DMD: variants seen among roughly 807,000 people sequenced by gnomAD.
DMD encodes dystrophin, also known as mutant dystrophin.
A neutral mutation model predicts 330.1 loss-of-function variants in DMD; 63 were observed. That is an observed-to-expected ratio of 0.19 (90% CI 0.16 to 0.24). The LOEUF (loss-of-function observed/expected upper bound fraction) is 0.24, where lower values mean the gene tolerates loss of function less well. Among genes scored for constraint, DMD ranks in the 10% least tolerant of loss-of-function variants. DMD has a pLI of 1.00. For missense variants in DMD, 3,344 were observed against 2,684.1 expected (o/e 1.25, Z -5.43); for synonymous variants, 1,223 against 959.8 (o/e 1.27, Z -5.07).
At chrX:31,644,463 C>T (rs1444857312) in intron 54 of DMD, among the ~76,000 whole-genome samples, 2 of 111,661 alleles carry the variant, frequency 1.8e-5, no homozygotes, top group Admixed American at 1.9e-4. Context: ...GCCTCAGTAT[C>T]CTTTTCTCTG....
intron 1 of DMD, among the ~76,000 whole-genome samples, chrX:33,055,144 T>C (rs1446070654): frequency 2.7e-5 from 3 of 111,628 alleles, no homozygotes; most frequent in South Asian, 3.8e-4. Context: ...AAGAAAATGA[T>C]AAAGTTGCCC....
intron 1 of DMD, among the ~76,000 whole-genome samples, chrX:33,230,968 A>AAAT (rs2052378976): frequency 9.2e-6 from 1 of 108,115 alleles, no homozygotes; most frequent in African/African-American, 3.6e-5. Context: ...AAAAAAAAAA[A>AAAT]AAAATAAATA....
At chrX:31,914,007 C>G (rs1234982115) in intron 47 of DMD, among the ~76,000 whole-genome samples, 1 of 112,368 alleles carries the variant, frequency 8.9e-6, no homozygotes, top group Non-Finnish European at 1.9e-5. Context: ...TGCATCACCA[C>G]AATTTGAACT....
At chrX:31,867,428 T>C (rs1183680908) in intron 48 of DMD, among the ~76,000 whole-genome samples, 2 of 111,236 alleles carry the variant, frequency 1.8e-5, no homozygotes, top group Admixed American at 9.6e-5. Flanking sequence ...CATTCTTTCA[T>C]AGTGAGCAAT....
chrX:33,026,906 C>CTT, intron 1 of DMD, among the ~76,000 whole-genome samples: 1 of 112,105 alleles, frequency 8.9e-6, no homozygotes, highest in South Asian at 3.7e-4. Context: ...AATCCCAGCA[C>CTT]TTAGCATAGA....
chrX:32,513,948 G>A (rs781064840), intron 18 of DMD, among the ~76,000 whole-genome samples: 85 of 111,931 alleles, frequency 7.6e-4, no homozygotes, highest in Non-Finnish European at 1.9e-4. Context: ...AGAATTTCAT[G>A]AGGGAAAAGA....
intron 1 of DMD, among the ~76,000 whole-genome samples, chrX:33,140,108 A>T (rs181569168): frequency 4.0e-4 from 45 of 111,697 alleles, no homozygotes; most frequent in African/African-American, 1.3e-3. Flanking sequence ...TCATGGACAC[A>T]TTCTTTAGTC....
chrX:31,369,236 G>A (rs2059418608), intron 60 of DMD, among the ~76,000 whole-genome samples: 1 of 112,335 alleles, frequency 8.9e-6, no homozygotes, highest in Admixed American at 9.4e-5. Context: ...TCTGCCTTAG[G>A]GCAGGAGAAA....
chrX:31,647,665 A>G (rs1369939520), intron 54 of DMD, among the ~76,000 whole-genome samples: 1 of 112,174 alleles, frequency 8.9e-6, no homozygotes, highest in Non-Finnish European at 1.9e-5. Flanking sequence ...GAAAAAGGCA[A>G]TCCATCAGTA....
rs147927593 is a variant in DMD, at chrX:32,310,215, T to A, written c.5984A>T (p.Tyr1995Phe). ...MTEDMPLEISYVPSTYLTEIT... is the reference protein window; with the variant it reads ...MTEDMPLEISFVPSTYLTEIT... ...TTCAGTCAAATAAGTAGAAGGCACATAAGAAATTTCCAAAGGCATGTCTTC... is the reference window on the plus strand; with the variant it reads ...TTCAGTCAAATAAGTAGAAGGCACAAAAGAAATTTCCAAAGGCATGTCTTC... Residue 1995 changes from tyrosine to phenylalanine, a missense_variant, in exon 42 of 79, where the codon TAT (tyrosine) becomes TTT (phenylalanine). Transcript: ENST00000357033. 221 of 1,207,753 alleles carry A rather than the reference T, an allele frequency of 1.8e-4. 2 individuals are homozygous for A. In the African/African-American group the frequency reaches 3.4e-3, roughly 19 times the overall value.
intron 20 of DMD, among the ~76,000 whole-genome samples, chrX:32,490,852 T>C (rs1029449327): frequency 8.9e-6 from 1 of 112,268 alleles, no homozygotes; most frequent in South Asian, 3.7e-4. Flanking sequence ...TTAAATATTT[T>C]CCTTATGTAT....
At chrX:31,818,467 T>C (rs1203527107) in intron 50 of DMD, among the ~76,000 whole-genome samples, 1 of 111,321 alleles carries the variant, frequency 9.0e-6, no homozygotes, top group Non-Finnish European at 1.9e-5. Context: ...GGAGCCTTCC[T>C]ACCATGTGTA....
intron 51 of DMD, among the ~76,000 whole-genome samples, chrX:31,762,890 T>C (rs1160623584): frequency 8.9e-6 from 1 of 112,612 alleles, no homozygotes; most frequent in African/African-American, 3.2e-5. Flanking sequence ...CTCAGGAGAC[T>C]TTCATTCATC....
intron 55 of DMD, among the ~76,000 whole-genome samples, chrX:31,526,548 T>C (rs1199327662): frequency 8.9e-6 from 1 of 112,021 alleles, no homozygotes; most frequent in African/African-American, 3.2e-5. Context: ...CTTTGGGTTA[T>C]ATGATTTGGG....
intron 41 of DMD, among the ~76,000 whole-genome samples, chrX:32,331,443 A>C (rs2097679230): frequency 8.9e-6 from 1 of 111,949 alleles, no homozygotes; most frequent in Non-Finnish European, 1.9e-5. Flanking sequence ...ACATATCAAT[A>C]ATTCATCACT....
intron 2 of DMD, among the ~76,000 whole-genome samples, chrX:32,903,144 CAAAA>C (rs34973696): frequency 2.1e-4 from 7 of 32,990 alleles, no homozygotes; most frequent in Admixed American, 1.1e-3. Flanking sequence ...GACTCAGTCT[CAAAA>C]AAAAAAAAAA....
At chrX:32,227,298 T>TATAC (rs2097152005) in intron 43 of DMD, among the ~76,000 whole-genome samples, 1 of 79,610 alleles carries the variant, frequency 1.3e-5, no homozygotes, top group Non-Finnish European at 2.4e-5. Context: ...TATATATATA[T>TATAC]ATATATATAT....
At chrX:31,901,342 TAC>T (rs2094419504) in intron 47 of DMD, among the ~76,000 whole-genome samples, 1 of 112,003 alleles carries the variant, frequency 8.9e-6, no homozygotes, top group Non-Finnish European at 1.9e-5. Context: ...ATATTTTGTT[TAC>T]AGTCTCTCCA....
chrX:31,891,742 C>T (rs2094254791), intron 47 of DMD, among the ~76,000 whole-genome samples: 1 of 110,800 alleles, frequency 9.0e-6, no homozygotes, highest in Admixed American at 9.7e-5. Context: ...AAACATTTAC[C>T]ATCTGGACCG....
Sources: gnomAD v4.1 joint callset for allele counts (sites outside exome capture counted in the v4.1 genomes callset) on GRCh38, gnomAD v4.1.1 for gene constraint, MANE v1.5 for transcripts, NCBI Gene and HGNC (gene_info 2026-07-23, HGNC 2026-07-21) for gene names.